The following TUBGCP3 variants were observed in gnomAD, a reference collection of about 807,000 sequenced individuals.
TUBGCP3 encodes the protein gamma-tubulin complex component 3.
TUBGCP3 carries 50 observed loss-of-function variants against 123.1 expected under a neutral mutation model. That is an observed-to-expected ratio of 0.41 (90% confidence interval 0.32 to 0.51). The LOEUF is 0.51. Ranked by LOEUF, TUBGCP3 falls within the 20% of genes least tolerant of loss-of-function variation. The probability of loss-of-function intolerance (pLI) is 0.36; values close to 1 mark genes in which losing one functional copy is unlikely to be tolerated. For missense variants in TUBGCP3, 882 were observed against 1,127.0 expected (o/e 0.78, Z 3.11); for synonymous variants, 405 against 413.9 (o/e 0.98, Z 0.26).
chr13:112,507,313 G>A (rs891657651), intron 17 of TUBGCP3, among the ~76,000 whole-genome samples: 5 of 152,292 alleles, frequency 3.3e-5, no homozygotes, highest in Non-Finnish European at 5.9e-5. Flanking sequence ...CTGTGCACTT[G>A]TGCACAGTGA....
chr13:112,556,684 C>T (rs1002044313), intron 5 of TUBGCP3, among the ~76,000 whole-genome samples: 2 of 152,156 alleles, frequency 1.3e-5, no homozygotes, highest in Non-Finnish European at 2.9e-5. Context: ...CCTGGCCTCA[C>T]CTGTCTTCAG....
chr13:112,590,481 G>A (rs557364459), upstream of TUBGCP3, among the ~76,000 whole-genome samples: 29 of 151,970 alleles, frequency 1.9e-4, no homozygotes, highest in Non-Finnish European at 2.9e-4. Flanking sequence ...AGGCCCTTTC[G>A]AGGTATGGCA....
intron 20 of TUBGCP3, among the ~76,000 whole-genome samples, chr13:112,490,376 C>G (rs1357285174): frequency 6.6e-6 from 1 of 152,224 alleles, no homozygotes. Context: ...CTGCCTCAGC[C>G]TCCCAGGTAG....
chr13:112,522,123 A>C (rs1876676105), intron 14 of TUBGCP3, among the ~76,000 whole-genome samples, 197 bp downstream of exon 14: 1 of 152,228 alleles, frequency 6.6e-6, no homozygotes. Flanking sequence ...CATGACAATG[A>C]TGCTCTGCTG....
chr13:112,554,066 G>A lies in TUBGCP3; in HGVS notation c.957C>T (p.Leu319=), dbSNP rs148082300. The change falls in exon 8 of 22, where the codon CTC becomes CTT. Residue 319 remains leucine (L), a synonymous_variant. Transcript: ENST00000261965. ...DQRSLDRSFG[L]VGQSFCAALH... is the part of the protein sequence containing the mutation. The stretch of plus-strand genomic sequence containing the variant: ...GGAACCATGAACGCACCTGCCCGAC[G>A]AGTCCGAATGAGCGGTCCAGGCTCC... 152 of 1,612,522 alleles carry A rather than the reference G, an allele frequency of 9.4e-5. No homozygotes were observed. The African/African-American group carries it at 1.2e-3, about 12-fold the overall frequency.
In TUBGCP3 at chr13:112,547,768, GAT is replaced by G. The variant is rs1344956340; in HGVS notation, c.1036-18_1036-17del. 2.8e-6 allele frequency: 4 copies of G among 1,442,660 alleles called. No individual in the cohort carries two copies. The highest frequency in any genetic ancestry group is 1.9e-4 in the Middle Eastern group (1 of 5,336). 89.4% of individuals were successfully genotyped at this position (1,442,660 alleles called of 1,614,324 possible). A position where few individuals can be genotyped will look rare whatever the true frequency, so the allele number is the denominator to read the frequency against. ...CTAGTTGTAGCTAAAAAACAATAAAGATAGAAATGTTTAAGTACAAATAACCA... is the reference window on the plus strand; with the variant it reads ...CTAGTTGTAGCTAAAAAACAATAAAGAGAAATGTTTAAGTACAAATAACCA... On this transcript the variant is annotated splice_polypyrimidine_tract_variant and intron_variant, in intron 9 of 21. Transcript: ENST00000261965.
At chr13:112,526,881 C>G in intron 13 of TUBGCP3, 61 bp downstream of exon 13, 10 of 1,235,786 alleles carry the variant, frequency 8.1e-6, no homozygotes, top group Non-Finnish European at 1.2e-5. Context: ...TATCACCATC[C>G]TCACATCATC....
intron 10 of TUBGCP3, chr13:112,546,133 A>G (rs1339252617): frequency 1.3e-5 from 5 of 372,788 alleles, no homozygotes; most frequent in Non-Finnish European, 2.5e-5. Flanking sequence ...AACAAAAAGT[A>G]GCAAAAAATT....
chr13:112,594,967 A>AC, the TUBGCP3 span, among the ~76,000 whole-genome samples: 1 of 152,188 alleles, frequency 6.6e-6, no homozygotes, highest in Non-Finnish European at 1.5e-5. Context: ...TGATAGTCAG[A>AC]AGTGGTATAT....
chr13:112,548,303 T>C lies in TUBGCP3; in HGVS notation c.967-127A>G, dbSNP rs1034009055. On this transcript the variant is annotated intron_variant, in intron 8 of 21. Transcript: ENST00000261965. ...TGCTACAAGATTTAAATTCAGGTTTTGTCAATAATCTTCTAATCATCTTAA... is the reference window on the plus strand; with the variant it reads ...TGCTACAAGATTTAAATTCAGGTTTCGTCAATAATCTTCTAATCATCTTAA... The C allele has an allele frequency of 2.2e-5, 12 of 550,536 alleles. No homozygotes were observed. The African/African-American group carries it at 2.3e-4, about 10-fold the overall frequency. 34.1% of individuals were successfully genotyped at this position (550,536 alleles called of 1,614,324 possible). A position where few individuals can be genotyped will look rare whatever the true frequency, so the allele number is the denominator to read the frequency against.
At position 112,545,612 on chromosome 13, in the gene TUBGCP3, G is replaced by A. The variant is rs1397005679; in HGVS notation, c.1335+87C>T. The A allele has an allele frequency of 6.8e-7, 1 of 1,479,748 alleles. No individual in the cohort carries two copies. Among genetic ancestry groups the A allele is most frequent in the Admixed American group, 1.7e-5 (1 of 58,364 alleles). 91.7% of individuals were successfully genotyped at this position (1,479,748 alleles called of 1,614,324 possible). A position where few individuals can be genotyped will look rare whatever the true frequency, so the allele number is the denominator to read the frequency against. On this transcript the variant is annotated intron_variant, in intron 11 of 21. Transcript: ENST00000261965. The surrounding 1 kb of genome is among the most constrained non-coding windows in gnomAD (Gnocchi z 4.1). ...AGTTGCATTCCTGTTAGGAGAACAT[G>A]GTAATCATGAGGGGAAAAATGAAAC... is the stretch of plus-strand genomic sequence containing the variant.
chr13:112,537,148 T>TAA (rs1555340955), intron 11 of TUBGCP3, among the ~76,000 whole-genome samples: 14,636 of 108,824 alleles, frequency 0.13, 1,346 homozygotes, highest in Non-Finnish European at 0.19. Context: ...TTTTTTTTTT[T>TAA]AAAAAAAAAA....
At position 112,548,158 on chromosome 13, in the gene TUBGCP3, G is replaced by A. The variant is rs1034082456; in HGVS notation, c.985C>T (p.His329Tyr). 1 of 1,603,816 alleles carries A rather than the reference G, an allele frequency of 6.2e-7. No homozygotes were observed. Among genetic ancestry groups the A allele is most frequent in the African/African-American group, 1.3e-5 (1 of 74,820 alleles). The change falls in exon 9 of 22, where the codon CAC becomes TAC. Residue 329 changes from histidine to tyrosine, a missense_variant. His to Tyr is a moderately conservative substitution (Grantham distance 83, BLOSUM62 2). Transcript: ENST00000261965. ...CGATAGTATTCTCTGAGTTCCTGGT[G>A]CAAGGCAGCACAAAAGCTCTGTTTG... ...LVGQSFCAAL[H>Y]QELREYYRLL...
At position 112,545,537 on chromosome 13, in the gene TUBGCP3, C is replaced by T; in HGVS notation, c.1335+162G>A. ...ACTTATCTGCTGTTCAGTGAGATAA[C>T]CAGCTGTCGAGGCACTGTGTAAAAT... On this transcript the variant is annotated intron_variant, in intron 11 of 21. Coordinates refer to ENST00000261965, the MANE Select transcript of TUBGCP3 (RefSeq NM_006322.6). The surrounding 1 kb of genome is among the most constrained non-coding windows in gnomAD (Gnocchi z 4.1). The T allele has an allele frequency of 1.4e-6, 1 of 705,986 alleles. No homozygotes were observed. The highest frequency in any genetic ancestry group is 2.3e-6 in the Non-Finnish European group (1 of 433,666). 43.7% of individuals were successfully genotyped at this position (705,986 alleles called of 1,614,324 possible). A position where few individuals can be genotyped will look rare whatever the true frequency, so the allele number is the denominator to read the frequency against.
chr13:112,595,556 T>C, the TUBGCP3 span, among the ~76,000 whole-genome samples: 2 of 152,212 alleles, frequency 1.3e-5, no homozygotes, highest in Non-Finnish European at 2.9e-5. Context: ...TGCTATGCCA[T>C]CTTAGCAAAT....
intron 8 of TUBGCP3, among the ~76,000 whole-genome samples, chr13:112,551,973 T>C (rs1470280521): frequency 2.0e-5 from 3 of 152,106 alleles, no homozygotes; most frequent in African/African-American, 4.8e-5. Context: ...CCTAGATCCC[T>C]TGAATGCACG....
At chr13:112,534,171 T>C (rs1187320211) in intron 11 of TUBGCP3, among the ~76,000 whole-genome samples, 2 of 152,200 alleles carry the variant, frequency 1.3e-5, no homozygotes, top group East Asian at 1.9e-4. Flanking sequence ...GGAGGGTGGA[T>C]AGACCAGGGG....
chr13:112,558,939 G>C (rs531314523), intron 4 of TUBGCP3, among the ~76,000 whole-genome samples: 1 of 152,062 alleles, frequency 6.6e-6, no homozygotes, highest in Non-Finnish European at 1.5e-5. Context: ...GTGATGACAG[G>C]GTTTCACTGG....
upstream of TUBGCP3, among the ~76,000 whole-genome samples, chr13:112,588,461 C>G (rs550756720): frequency 1.3e-5 from 2 of 152,226 alleles, no homozygotes; most frequent in African/African-American, 2.4e-5. Flanking sequence ...ATGAAAGAAG[C>G]CTGTTTAAAA....
Sources: allele counts gnomAD v4.1 joint callset (sites outside exome capture counted in the v4.1 genomes callset), GRCh38; gene constraint gnomAD v4.1.1; non-coding constraint Gnocchi (gnomAD v3.1); transcripts MANE v1.5; gene names NCBI Gene and HGNC (gene_info 2026-07-23, HGNC 2026-07-21).